The following AKAP6 variants were observed in gnomAD, a reference collection of about 807,000 sequenced individuals.
AKAP6 encodes the protein A-kinase anchoring protein 6.
A neutral mutation model predicts 188.5 loss-of-function variants in AKAP6; 58 were observed. That is an observed-to-expected ratio of 0.31 (90% CI 0.25 to 0.38). The LOEUF is 0.38. Ranked by LOEUF, AKAP6 falls within the 10% of genes least tolerant of loss-of-function variation. The probability of loss-of-function intolerance (pLI) is 1.00; values close to 1 mark genes in which losing one functional copy is unlikely to be tolerated. For missense variants in AKAP6, 2,710 were observed against 2,740.0 expected (o/e 0.99, Z 0.24); for synonymous variants, 989 against 998.6 (o/e 0.99, Z 0.18).
chr14:32,680,847 G>C (rs1193545519), intron 8 of AKAP6, among the ~76,000 whole-genome samples: 1 of 152,196 alleles, frequency 6.6e-6, no homozygotes, highest in African/African-American at 2.4e-5. Flanking sequence ...ACTATGAATT[G>C]TGTGGTTAGC....
At chr14:32,569,120 A>G (rs772237347) in intron 4 of AKAP6, among the ~76,000 whole-genome samples, 1 of 152,196 alleles carries the variant, frequency 6.6e-6, no homozygotes, top group South Asian at 2.1e-4. Flanking sequence ...TTCCTTCTAC[A>G]TGATGCTGAG....
intron 2 of AKAP6, among the ~76,000 whole-genome samples, chr14:32,525,248 T>G (rs1415824101): frequency 6.6e-6 from 1 of 152,200 alleles, no homozygotes; most frequent in East Asian, 1.9e-4. Context: ...CCTCCAAACT[T>G]TTTGTTTAGG....
chr14:32,474,268 C>T (rs61421761), intron 2 of AKAP6: 2 of 152,116 alleles, frequency 1.3e-5, no homozygotes, highest in Non-Finnish European at 2.9e-5. Flanking sequence ...TTCCTCAACA[C>T]GTGTTTCGTT....
intron 1 of AKAP6, among the ~76,000 whole-genome samples, chr14:32,360,712 A>T (rs1233858187): frequency 1.9e-4 from 26 of 136,116 alleles, no homozygotes; most frequent in South Asian, 5.1e-4. Context: ...TTGGCCATTG[A>T]GTGTGTGTGT....
intron 8 of AKAP6, among the ~76,000 whole-genome samples, chr14:32,686,397 T>C (rs923219890): frequency 6.6e-6 from 1 of 152,120 alleles, no homozygotes; most frequent in African/African-American, 2.4e-5. Context: ...AGGGGGGCTA[T>C]AGTCAATAAT....
intron 11 of AKAP6, among the ~76,000 whole-genome samples, chr14:32,773,080 G>A (rs1232520694): frequency 1.3e-5 from 2 of 152,086 alleles, no homozygotes; most frequent in African/African-American, 2.4e-5. Context: ...AACAAATAGT[G>A]CAGTAATAAT....
chr14:32,612,472 T>C (rs1886389077), intron 7 of AKAP6, among the ~76,000 whole-genome samples: 1 of 152,206 alleles, frequency 6.6e-6, no homozygotes, highest in Non-Finnish European at 1.5e-5. Context: ...CTTAGCTGTG[T>C]AAATCATGGC....
intron 7 of AKAP6, among the ~76,000 whole-genome samples, chr14:32,626,779 C>T (rs2139437660): frequency 6.6e-6 from 1 of 152,250 alleles, no homozygotes; most frequent in East Asian, 1.9e-4. Context: ...ATCCCCTCAG[C>T]ACATTGCTTC....
At chr14:32,659,926 A>G (rs1888614731) in intron 7 of AKAP6, among the ~76,000 whole-genome samples, 1 of 152,110 alleles carries the variant, frequency 6.6e-6, no homozygotes, top group South Asian at 2.1e-4. Flanking sequence ...TCCATGTATA[A>G]GGTGTAACCG....
intron 4 of AKAP6, among the ~76,000 whole-genome samples, chr14:32,550,182 A>G (rs1404970563): frequency 6.6e-5 from 10 of 152,196 alleles, no homozygotes; most frequent in African/African-American, 2.2e-4. Context: ...ATTTGATTCC[A>G]CAGTTCTACA....
At chr14:32,565,589 A>C (rs1219032840) in intron 4 of AKAP6, among the ~76,000 whole-genome samples, 3 of 152,186 alleles carry the variant, frequency 2.0e-5, no homozygotes, top group Admixed American at 2.0e-4. Flanking sequence ...TTCAACTGGC[A>C]ATCATTTTCC....
At chr14:32,815,981 T>C (rs1407746060) in intron 12 of AKAP6, among the ~76,000 whole-genome samples, 1 of 152,220 alleles carries the variant, frequency 6.6e-6, no homozygotes, top group Non-Finnish European at 1.5e-5. Flanking sequence ...CAAACCTGTA[T>C]GAGTACCTCC....
At chr14:32,515,741 T>A (rs1302306417) in intron 2 of AKAP6, among the ~76,000 whole-genome samples, 1 of 152,198 alleles carries the variant, frequency 6.6e-6, no homozygotes, top group Non-Finnish European at 1.5e-5. Context: ...TTTTGCTTCA[T>A]ATATTCTTTT....
chr14:32,511,351 T>A (rs1881249439), intron 2 of AKAP6, among the ~76,000 whole-genome samples: 1 of 150,612 alleles, frequency 6.6e-6, no homozygotes, highest in South Asian at 2.1e-4. Context: ...TTTACAGAAA[T>A]CATCTACTGC....
At chr14:32,385,147 G>GAAAAAA (rs58109919) in intron 1 of AKAP6, 3 of 146,404 alleles carry the variant, frequency 2.0e-5, no homozygotes, top group Non-Finnish European at 4.5e-5. Flanking sequence ...ATGACACTCT[G>GAAAAAA]AAAAAAAAAA....
At chr14:32,803,642 T>C (rs2034013177) in intron 12 of AKAP6, among the ~76,000 whole-genome samples, 1 of 152,200 alleles carries the variant, frequency 6.6e-6, no homozygotes, top group Non-Finnish European at 1.5e-5. Context: ...CCATTTTCTC[T>C]GTTTATCTTT....
chr14:32,528,690 A>T (rs1398921778), intron 2 of AKAP6, among the ~76,000 whole-genome samples: 1 of 151,824 alleles, frequency 6.6e-6, no homozygotes, highest in Non-Finnish European at 1.5e-5. Context: ...TATTATTATT[A>T]TTTTTTAGAC....
intron 2 of AKAP6, chr14:32,474,557 A>G (rs907223042): frequency 2.0e-5 from 3 of 152,244 alleles, no homozygotes; most frequent in African/African-American, 7.2e-5. Flanking sequence ...AAAGATTTCA[A>G]GGTAAACAAT....
chr14:32,333,956 A>G (rs1886610575), intron 1 of AKAP6, among the ~76,000 whole-genome samples: 1 of 152,168 alleles, frequency 6.6e-6, no homozygotes, highest in South Asian at 2.1e-4. Flanking sequence ...GGTACCAACT[A>G]CACACTTAGT....
Sources: allele counts gnomAD v4.1 joint callset (sites outside exome capture counted in the v4.1 genomes callset), GRCh38; gene constraint gnomAD v4.1.1; transcripts MANE v1.5; gene names NCBI Gene and HGNC (gene_info 2026-07-23, HGNC 2026-07-21).